Variants in ZNRF1 observed in about 807,000 individuals in gnomAD.
The protein encoded by ZNRF1 is E3 ubiquitin-protein ligase ZNRF1.
ZNRF1 carries 3 observed loss-of-function variants against 18.4 expected under a neutral mutation model. That is an observed-to-expected ratio of 0.16 (90% confidence interval 0.07 to 0.42). The LOEUF (loss-of-function observed/expected upper bound fraction) is 0.42, where lower values mean the gene tolerates loss of function less well. Among genes scored for constraint, ZNRF1 ranks in the 10% least tolerant of loss-of-function variants. ZNRF1 has a pLI of 0.99. For synonymous variants in ZNRF1, 157 were observed against 144.2 expected, an observed-to-expected ratio of 1.09 and a Z score of -0.64; for missense variants, 310 against 329.8, an observed-to-expected ratio of 0.94 and a Z score of 0.47.
intron 1 of ZNRF1, among the ~76,000 whole-genome samples, chr16:75,044,464 T>A (rs1321325126): frequency 6.6e-6 from 1 of 152,130 alleles, no homozygotes; most frequent in Non-Finnish European, 1.5e-5. Flanking sequence ...TGATCTCAAG[T>A]GATCTGCCTG....
intron 2 of ZNRF1, among the ~76,000 whole-genome samples, chr16:75,101,789 T>C (rs1471199312): frequency 1.3e-5 from 2 of 152,252 alleles, no homozygotes; most frequent in African/African-American, 4.8e-5. Context: ...ACTGTGAAAG[T>C]GTGTGCATCC....
At chr16:75,097,793 G>A (rs968786243) in intron 2 of ZNRF1, among the ~76,000 whole-genome samples, 4 of 152,188 alleles carry the variant, frequency 2.6e-5, no homozygotes, top group Non-Finnish European at 1.5e-5. Context: ...TCCAGCCTAG[G>A]CAACAGAGCT....
intron 1 of ZNRF1, among the ~76,000 whole-genome samples, chr16:75,071,512 G>C (rs2035870480): frequency 6.6e-6 from 1 of 152,132 alleles, no homozygotes; most frequent in Non-Finnish European, 1.5e-5. Context: ...CTCACAGCAT[G>C]GTGGCAAGCT....
chr16:75,005,974 C>T (rs556676554), intron 1 of ZNRF1, among the ~76,000 whole-genome samples: 1 of 152,250 alleles, frequency 6.6e-6, no homozygotes, highest in Non-Finnish European at 1.5e-5. Flanking sequence ...TGCTCCTAGG[C>T]TACAAACCTG....
At chr16:75,089,667 AGT>A (rs1200544081) in intron 1 of ZNRF1, among the ~76,000 whole-genome samples, 1 of 152,206 alleles carries the variant, frequency 6.6e-6, no homozygotes, top group African/African-American at 2.4e-5. Context: ...GTTGTGTGAC[AGT>A]GTGCTACTCA....
At chr16:75,052,619 G>A (rs528020686) in intron 1 of ZNRF1, among the ~76,000 whole-genome samples, 1 of 152,114 alleles carries the variant, frequency 6.6e-6, no homozygotes, top group Admixed American at 6.6e-5. Flanking sequence ...CTGACCTCAG[G>A]GCTATGACTG....
intron 1 of ZNRF1, among the ~76,000 whole-genome samples, chr16:75,007,215 G>A (rs372522037): frequency 5.3e-5 from 8 of 151,994 alleles, no homozygotes; most frequent in African/African-American, 1.2e-4. Context: ...ATGCCGCTAC[G>A]CCTGGCTAAT....
chr16:75,079,681 C>T (rs1318427554), intron 1 of ZNRF1, among the ~76,000 whole-genome samples: 1 of 152,170 alleles, frequency 6.6e-6, no homozygotes, highest in East Asian at 1.9e-4. Context: ...TGGAACAACT[C>T]CATTCTACTC....
chr16:75,028,804 A>G (rs971565401), intron 1 of ZNRF1, among the ~76,000 whole-genome samples: 1 of 152,186 alleles, frequency 6.6e-6, no homozygotes, highest in African/African-American at 2.4e-5. Flanking sequence ...AAGTGGCTGC[A>G]TTTTACCCAG....
At chr16:75,073,146 C>CTCTCTCTCTCTCTCTCTCTCTG (rs146902791) in intron 1 of ZNRF1, among the ~76,000 whole-genome samples, 59 of 128,724 alleles carry the variant, frequency 4.6e-4, no homozygotes, top group African/African-American at 1.5e-3. Flanking sequence ...CTCTCTCTCT[C>CTCTCTCTCTCTCTCTCTCTCTG]TCTCTCTGTC....
intron 1 of ZNRF1, among the ~76,000 whole-genome samples, chr16:75,032,121 T>C (rs1388487334): frequency 6.7e-6 from 1 of 148,468 alleles, no homozygotes; most frequent in South Asian, 2.2e-4. Flanking sequence ...TTTTTTTTTT[T>C]TTTTTTGATA....
intron 1 of ZNRF1, among the ~76,000 whole-genome samples, chr16:75,022,732 C>T (rs1482817804): frequency 6.6e-6 from 1 of 152,208 alleles, no homozygotes; most frequent in Non-Finnish European, 1.5e-5. Context: ...TGGAACATTT[C>T]CATCATTGCA....
At chr16:75,075,560 T>G (rs1175949988) in intron 1 of ZNRF1, among the ~76,000 whole-genome samples, 1 of 152,214 alleles carries the variant, frequency 6.6e-6, no homozygotes, top group Non-Finnish European at 1.5e-5. Flanking sequence ...GTTATCTCTT[T>G]CCGGTTGTAC....
At chr16:75,003,959 A>ATTT (rs61398639) in intron 1 of ZNRF1, among the ~76,000 whole-genome samples, 1 of 146,112 alleles carries the variant, frequency 6.8e-6, no homozygotes. Context: ...ATCGCCTCAG[A>ATTT]TTTTTTTTTT....
chr16:75,034,174 A>G (rs1233113856), intron 1 of ZNRF1, among the ~76,000 whole-genome samples: 2 of 152,244 alleles, frequency 1.3e-5, no homozygotes, highest in East Asian at 3.9e-4. Flanking sequence ...AAAACAAAAA[A>G]TTACCCTCAG....
At chr16:75,011,828 A>G (rs563000246) in intron 1 of ZNRF1, among the ~76,000 whole-genome samples, 5 of 152,286 alleles carry the variant, frequency 3.3e-5, no homozygotes, top group Admixed American at 1.3e-4. Context: ...GCACAAAAGG[A>G]TAGTGAATCT....
chr16:75,050,883 AAAAAAC>A (rs1159550101), intron 1 of ZNRF1, among the ~76,000 whole-genome samples: 2 of 109,302 alleles, frequency 1.8e-5, no homozygotes, highest in Admixed American at 2.0e-4. Flanking sequence ...AAAAAAAAAA[AAAAAAC>A]AAAAAAAAAC....
chr16:75,015,753 C>T (rs900550554), intron 1 of ZNRF1, among the ~76,000 whole-genome samples: 1 of 151,834 alleles, frequency 6.6e-6, no homozygotes, highest in Non-Finnish European at 1.5e-5. Context: ...CCGACTGATT[C>T]AAAGTACTGG....
At chr16:75,101,107 G>T (rs543704134) in intron 2 of ZNRF1, among the ~76,000 whole-genome samples, 4 of 152,148 alleles carry the variant, frequency 2.6e-5, no homozygotes, top group African/African-American at 4.8e-5. Flanking sequence ...CTAACTTTTG[G>T]TTTTTTAATA....
Sources: gnomAD v4.1 joint callset for allele counts (sites outside exome capture counted in the v4.1 genomes callset) on GRCh38, gnomAD v4.1.1 for gene constraint, MANE v1.5 for transcripts, NCBI Gene and HGNC (gene_info 2026-07-23, HGNC 2026-07-21) for gene names.